Variants in ZSCAN5A observed in about 807,000 individuals in gnomAD.
ZSCAN5A encodes zinc finger and SCAN domain containing 5A, also known as zinc finger and SCAN domain-containing protein 5A.
ZSCAN5A carries 12 observed loss-of-function variants against 23.7 expected under a neutral mutation model. That is an observed-to-expected ratio of 0.51 (90% CI 0.32 to 0.82). The LOEUF (loss-of-function observed/expected upper bound fraction) is 0.82, where lower values mean the gene tolerates loss of function less well. ZSCAN5A is among the 40% of genes least tolerant of loss of function. The pLI is 0.03. For missense variants in ZSCAN5A, 597 were observed against 617.9 expected, an observed-to-expected ratio of 0.97 and a Z score of 0.36; for synonymous variants, 257 against 239.9, an observed-to-expected ratio of 1.07 and a Z score of -0.66.
At chr19:56,327,684 AT>A (rs1455282961) in intron 2 of ZSCAN5A, among the ~76,000 whole-genome samples, 1 of 151,476 alleles carries the variant, frequency 6.6e-6, no homozygotes, top group Non-Finnish European at 1.5e-5. Context: ...TATTTTATGT[AT>A]TCTATACAAA....
At chr19:56,321,426 T>C in intron 2 of ZSCAN5A, 1 of 667,232 alleles carries the variant, frequency 1.5e-6, no homozygotes, top group Admixed American at 2.3e-5. Flanking sequence ...ACACAGAGTC[T>C]GTGAAATGTC....
chr19:56,343,033 C>A, intron 2 of ZSCAN5A: 1 of 812,568 alleles, frequency 1.2e-6, no homozygotes, highest in Non-Finnish European at 2.2e-6. Context: ...AGTCTTCTTT[C>A]CCCCAGAACT....
intron 2 of ZSCAN5A, among the ~76,000 whole-genome samples, chr19:56,272,209 T>C (rs2037899005): frequency 6.6e-6 from 1 of 152,188 alleles, no homozygotes; most frequent in South Asian, 2.1e-4. Flanking sequence ...TGAGTAGAAA[T>C]ACGATAGATG....
rs1011977961 is a variant in ZSCAN5A, at chr19:56,222,848, G to A, written c.589-107C>T. 6 of 1,505,834 alleles carry A rather than the reference G, an allele frequency of 4.0e-6. No individual in the cohort carries two copies. In the Admixed American group the frequency reaches 1.2e-4, roughly 29 times the overall value. 93.3% of individuals were successfully genotyped at this position (1,505,834 alleles called of 1,614,324 possible). A position where few individuals can be genotyped will look rare whatever the true frequency, so the allele number is the denominator to read the frequency against. On this transcript the variant is annotated intron_variant, in intron 4 of 5. Coordinates refer to ENST00000683990, the MANE Select transcript of ZSCAN5A (RefSeq NM_001322064.3). The stretch of plus-strand genomic sequence containing the variant: ...TGCAACAACTCTTCTAATGACACAG[G>A]TGTGGAAATACGTGCAGACTTCCCC...
At chr19:56,244,149 A>G (rs1205942613) in intron 2 of ZSCAN5A, 2 of 1,604,952 alleles carry the variant, frequency 1.2e-6, no homozygotes, top group Admixed American at 1.7e-5. Context: ...CTTGGAAATC[A>G]TGACTGGGAC....
rs371889656 is a variant in ZSCAN5A, at chr19:56,277,549, T to G, written c.-128+35734A>C. Among the ~76,000 whole-genome samples the G allele has an allele frequency of 4.6e-5, 7 of 152,098 alleles. No homozygotes were observed. In the East Asian group the frequency reaches 1.2e-3, roughly 25 times the overall value. Reference sequence around the variant, plus strand: ...CCAGGGGGTGAGGGGTGGGGGAATTTAGAGACAATGACTAAGGGGTTCAGG... The same window carrying G: ...CCAGGGGGTGAGGGGTGGGGGAATTGAGAGACAATGACTAAGGGGTTCAGG... On this transcript the variant is annotated intron_variant, in intron 2 of 5. Transcript: ENST00000683990.
intron 2 of ZSCAN5A, among the ~76,000 whole-genome samples, chr19:56,233,091 A>G (rs1489969908): frequency 6.6e-6 from 1 of 152,210 alleles, no homozygotes; most frequent in African/African-American, 2.4e-5. Context: ...ATGTACCTGC[A>G]ATGTCTAGAT....
At chr19:56,362,391 A>T (rs1478610193) in intron 2 of ZSCAN5A, among the ~76,000 whole-genome samples, 2 of 150,920 alleles carry the variant, frequency 1.3e-5, no homozygotes, top group Non-Finnish European at 2.9e-5. Flanking sequence ...ACGTGGCGAG[A>T]CCCCCACCTC....
chr19:56,272,993 C>A, intron 2 of ZSCAN5A: 1 of 565,396 alleles, frequency 1.8e-6, no homozygotes, highest in Non-Finnish European at 2.2e-6. Context: ...GGGCTGGATT[C>A]AGAGAGAAGC....
Position 56,222,267 on chromosome 19 carries a change from C to G in ZSCAN5A, c.799G>C (p.Val267Leu). ...DPPKIASVENVDADTPSACVV... is the reference protein window; with the variant it reads ...DPPKIASVENLDADTPSACVV... Reference sequence around the variant, plus strand: ...CAGGCAGAAGGTGTGTCAGCATCCACATTTTCCACAGAGGCTATTTTTGGG... The same window carrying G: ...CAGGCAGAAGGTGTGTCAGCATCCAGATTTTCCACAGAGGCTATTTTTGGG... Residue 267 changes from valine to leucine, a missense_variant, in exon 6 of 6, where the codon GTG (valine) becomes CTG (leucine). Val to Leu is a conservative substitution (Grantham distance 32). Coordinates refer to ENST00000683990, the MANE Select transcript of ZSCAN5A (RefSeq NM_001322064.3). 6.2e-7 allele frequency: 1 copy of G among 1,613,766 alleles called. No individual in the cohort carries two copies. The highest frequency in any genetic ancestry group is 8.5e-7 in the Non-Finnish European group (1 of 1,179,876).
intron 1 of ZSCAN5A, among the ~76,000 whole-genome samples, chr19:56,366,449 C>CTTACCA (rs924445970): frequency 3.3e-5 from 5 of 149,540 alleles, no homozygotes; most frequent in Admixed American, 2.0e-4. Flanking sequence ...AAAAAGAAAC[C>CTTACCA]TTACCATTAA....
chr19:56,232,066 C>A (rs1049197076), intron 2 of ZSCAN5A, among the ~76,000 whole-genome samples: 1 of 145,448 alleles, frequency 6.9e-6, no homozygotes, highest in Non-Finnish European at 1.5e-5. Flanking sequence ...CGGCTCACTG[C>A]AGCCTCAACT....
In ZSCAN5A at chr19:56,285,807, A is replaced by C. The variant is rs117269031; in HGVS notation, c.-128+27476T>G. Among the ~76,000 whole-genome samples the C allele has an allele frequency of 1.5e-3, 228 of 152,134 alleles. 4 individuals are homozygous for C. The South Asian group carries it at 0.034, about 23-fold the overall frequency. ...TTTTGTTTTATTTTGTTTTGATGTTATTATAAACAGCGCTATAATGGAAAT... is the reference window on the plus strand; with the variant it reads ...TTTTGTTTTATTTTGTTTTGATGTTCTTATAAACAGCGCTATAATGGAAAT... On this transcript the variant is annotated intron_variant, in intron 2 of 5. Transcript: ENST00000683990.
At chr19:56,230,925 C>A (rs960163348) in intron 2 of ZSCAN5A, among the ~76,000 whole-genome samples, 1 of 152,112 alleles carries the variant, frequency 6.6e-6, no homozygotes, top group Non-Finnish European at 1.5e-5. Flanking sequence ...TATCTCATGT[C>A]GTTTATTGAA....
At position 56,251,148 on chromosome 19, in the gene ZSCAN5A, T is replaced by TCA. The variant is rs1555797367; in HGVS notation, c.-127-25976_-127-25975insTG. ...CTGGGCAACAGAGCTAGACTCCGTG[T>TCA]AAAAAAAAAAAAAAAAAAGACCACT... is the stretch of plus-strand genomic sequence containing the variant. On this transcript the variant is annotated intron_variant, in intron 2 of 5. Transcript: ENST00000683990. Among the ~76,000 whole-genome samples the TCA allele has an allele frequency of 1.4e-3, 183 of 131,054 alleles. 1 individual carries two copies. Among genetic ancestry groups the TCA allele is most frequent in the African/African-American group, 4.0e-3 (138 of 34,818 alleles). The allele number at this position is 131,054 out of a possible 152,430, so 86.0% of individuals were successfully genotyped here.
chr19:56,267,167 C>T (rs965567), intron 2 of ZSCAN5A, among the ~76,000 whole-genome samples: 82,485 of 151,936 alleles, frequency 0.54, 22,655 homozygotes, highest in South Asian at 0.6. Context: ...CCATCGGTCT[C>T]TAACACATGG....
chr19:56,244,597 ACAAG>A (rs2035711601), intron 2 of ZSCAN5A, among the ~76,000 whole-genome samples: 1 of 143,622 alleles, frequency 7.0e-6, no homozygotes, highest in South Asian at 2.1e-4. Context: ...TTTTGTTGTC[ACAAG>A]GGGGAGGACA....
At chr19:56,307,771 A>C (rs2040793910) in intron 2 of ZSCAN5A, among the ~76,000 whole-genome samples, 1 of 152,246 alleles carries the variant, frequency 6.6e-6, no homozygotes, top group African/African-American at 2.4e-5. Flanking sequence ...GTGAATAAAA[A>C]TTTCAGTCCA....
At chr19:56,264,874 C>A (rs1377390844) in intron 2 of ZSCAN5A, among the ~76,000 whole-genome samples, 2 of 152,182 alleles carry the variant, frequency 1.3e-5, no homozygotes, top group Non-Finnish European at 2.9e-5. Context: ...GTAATCCCAG[C>A]ACTTTGGGAG....
Sources: gnomAD v4.1 joint callset for allele counts (sites outside exome capture counted in the v4.1 genomes callset) on GRCh38, gnomAD v4.1.1 for gene constraint, MANE v1.5 for transcripts, NCBI Gene and HGNC (gene_info 2026-07-23, HGNC 2026-07-21) for gene names.